Variants in ZCCHC4 observed in about 807,000 individuals in gnomAD.
ZCCHC4 encodes rRNA N(6)-adenosine-methyltransferase ZCCHC4.
ZCCHC4 carries 54 observed loss-of-function variants against 67.7 expected under a neutral mutation model. The observed-to-expected ratio is 0.80, with a 90% CI of 0.64 to 1.00. ZCCHC4 has a LOEUF of 1.00. Ranked by LOEUF, ZCCHC4 falls within the 50% of genes least tolerant of loss-of-function variation. The probability of loss-of-function intolerance (pLI) is 0.00; values close to 1 mark genes in which losing one functional copy is unlikely to be tolerated. For missense variants in ZCCHC4, 609 were observed against 617.0 expected (o/e 0.99, Z 0.14); for synonymous variants, 198 against 213.5 (o/e 0.93, Z 0.63).
At chr4:25,353,900 A>G (rs1393929236) in intron 8 of ZCCHC4, among the ~76,000 whole-genome samples, 1 of 152,142 alleles carries the variant, frequency 6.6e-6, no homozygotes, top group East Asian at 1.9e-4. Context: ...AGATAGTCCC[A>G]AGGTAGGGGT....
intron 6 of ZCCHC4, among the ~76,000 whole-genome samples, chr4:25,348,915 T>C (rs62410554): frequency 0.055 from 8,318 of 152,334 alleles, 317 homozygotes; most frequent in Middle Eastern, 0.1. Flanking sequence ...AATGTGTTAA[T>C]AGCATGGTTT....
chr4:25,331,405 A>G (rs779210874), intron 3 of ZCCHC4, among the ~76,000 whole-genome samples: 1 of 152,108 alleles, frequency 6.6e-6, no homozygotes, highest in Non-Finnish European at 1.5e-5. Flanking sequence ...CCTGGGCTCA[A>G]GTGATCCTCC....
At chr4:25,319,329 G>A (rs1251121999) in intron 3 of ZCCHC4, among the ~76,000 whole-genome samples, 4 of 152,146 alleles carry the variant, frequency 2.6e-5, no homozygotes, top group South Asian at 2.1e-4. Context: ...AGCTTGTAGC[G>A]AGCCGAGATT....
intron 10 of ZCCHC4, among the ~76,000 whole-genome samples, chr4:25,363,176 C>T (rs1011342111): frequency 2.1e-4 from 32 of 152,288 alleles, no homozygotes; most frequent in African/African-American, 7.2e-4. Flanking sequence ...CCTATTCATC[C>T]TTCTTCCTGA....
intron 7 of ZCCHC4, 169 bp downstream of exon 7, chr4:25,349,811 T>G (rs1720203376): frequency 1.5e-6 from 1 of 662,050 alleles, no homozygotes; most frequent in East Asian, 2.8e-5. Flanking sequence ...CATGATATAC[T>G]TTGTATTATT....
rs76193708 is a variant in ZCCHC4 at position 25,347,265 on chromosome 4, A to C, written c.759+1645A>C. On this transcript the variant is annotated intron_variant, in intron 6 of 12. Transcript: ENST00000302874. ...GAACAATGAAGACAAAATAAGGATAAAATTAAATACCTAAAGGTTGGCTAG... is the reference window on the plus strand; with the variant it reads ...GAACAATGAAGACAAAATAAGGATACAATTAAATACCTAAAGGTTGGCTAG... 6.8e-3 allele frequency among the ~76,000 whole-genome samples: 1,031 copies of C among 152,340 alleles called. 10 individuals carry two copies. The highest frequency in any genetic ancestry group is 0.023 in the African/African-American group (968 of 41,568).
chr4:25,315,327 G>A lies in ZCCHC4; in HGVS notation c.256G>A (p.Ala86Thr), dbSNP rs1718197559. Residue 86 changes from alanine (A) to threonine (T), a missense_variant, in exon 3 of 13, where the codon GCT becomes ACT. Coordinates refer to ENST00000302874, the MANE Select transcript of ZCCHC4 (RefSeq NM_024936.3). ...TTGTACTCTCTTTCAGTTGTCAGGA[G>A]CTAGACTTGCTGCCCGAGAAGCTCA... ...FQWEDEKLSGARLAAREAHNR... is the reference protein window; with the variant it reads ...FQWEDEKLSGTRLAAREAHNR... 1 of 1,612,664 alleles carries A rather than the reference G, an allele frequency of 6.2e-7. No homozygotes were observed. The highest frequency in any genetic ancestry group is 1.3e-5 in the African/African-American group (1 of 74,850).
intron 8 of ZCCHC4, among the ~76,000 whole-genome samples, chr4:25,354,446 C>T (rs1720433501): frequency 1.3e-5 from 2 of 152,228 alleles, no homozygotes; most frequent in South Asian, 2.1e-4. Flanking sequence ...AGTCTAAAAG[C>T]AAATTTGTTT....
rs1365954932 is a variant in ZCCHC4, at chr4:25,370,248, A to T, written c.*1084A>T. ...AACTAAACTCCTCATTCCTACCCTTAATATTTCCTGGCTGTATGATCTTGG... is the reference window on the plus strand; with the variant it reads ...AACTAAACTCCTCATTCCTACCCTTTATATTTCCTGGCTGTATGATCTTGG... On this transcript the variant is annotated 3_prime_UTR_variant, in exon 13 of 13. Transcript: ENST00000302874. The T allele has an allele frequency of 2.0e-5, 3 of 152,156 alleles. No individual in the cohort carries two copies. The highest frequency in any genetic ancestry group is 7.2e-5 in the African/African-American group (3 of 41,432). The allele number at this position is 152,156 out of a possible 1,614,324, so 9.4% of individuals were successfully genotyped here.
At chr4:25,317,704 CA>C (rs778867924) in intron 3 of ZCCHC4, among the ~76,000 whole-genome samples, 19,778 of 72,238 alleles carry the variant, frequency 0.27, 1,192 homozygotes, top group African/African-American at 0.42. Flanking sequence ...GACGCTGTCA[CA>C]AAAAAAAAAA....
chr4:25,360,409 A>G lies in ZCCHC4; in HGVS notation c.1012-1450A>G, dbSNP rs1577352051. On this transcript the variant is annotated intron_variant, in intron 8 of 12. Coordinates refer to ENST00000302874, the MANE Select transcript of ZCCHC4 (RefSeq NM_024936.3). The stretch of plus-strand genomic sequence containing the variant: ...GGGCCAATAGCAGTGCATAGAGAAC[A>G]CCCTTGGGCTTTTGGTCCCAGCTGT... Among the ~76,000 whole-genome samples, 4 of 152,276 alleles carry G rather than the reference A, an allele frequency of 2.6e-5. No homozygotes were observed. In the East Asian group the frequency reaches 7.7e-4, roughly 29 times the overall value.
chr4:25,340,328 G>A (rs1391624462), intron 5 of ZCCHC4, among the ~76,000 whole-genome samples: 1 of 152,100 alleles, frequency 6.6e-6, no homozygotes. Flanking sequence ...GTTTATTTAT[G>A]GACTTTAAAT....
chr4:25,365,737 G>T, intron 12 of ZCCHC4: 1 of 985,380 alleles, frequency 1.0e-6, no homozygotes, highest in Non-Finnish European at 1.2e-6. Flanking sequence ...TGGAGCTATG[G>T]ATTACAACTC....
intron 6 of ZCCHC4, among the ~76,000 whole-genome samples, chr4:25,347,479 A>G (rs928801424): frequency 2.6e-5 from 4 of 152,218 alleles, no homozygotes; most frequent in East Asian, 1.9e-4. Context: ...TCCTTACTCT[A>G]TATTTCAGCA....
chr4:25,315,504 G>T (rs1718211357), intron 3 of ZCCHC4, 104 bp downstream of exon 3: 4 of 817,922 alleles, frequency 4.9e-6, no homozygotes, highest in East Asian at 3.0e-5. Flanking sequence ...TATTTTTATT[G>T]TAGTTACATA....
chr4:25,315,211 T>G, intron 2 of ZCCHC4, 107 bp from the exon 3 acceptor site: 3 of 942,536 alleles, frequency 3.2e-6, no homozygotes, highest in Non-Finnish European at 4.7e-6. Context: ...TGAATGCCTG[T>G]TGAGTTGGTT....
intron 3 of ZCCHC4, among the ~76,000 whole-genome samples, chr4:25,330,725 A>G (rs1405939105): frequency 6.6e-6 from 1 of 152,176 alleles, no homozygotes; most frequent in East Asian, 1.9e-4. Flanking sequence ...CTACTGAGGC[A>G]GTGCTCTTCT....
Position 25,347,338 on chromosome 4 carries a change from G to A in ZCCHC4, c.759+1718G>A, listed in dbSNP as rs570607805. ...GTAACAGGTAATTAGCCTTTTTTTC[G>A]AAACTCTTTGTAGCTTATAGAAAGT... On this transcript the variant is annotated intron_variant, in intron 6 of 12. Transcript: ENST00000302874. 1.1e-4 allele frequency among the ~76,000 whole-genome samples: 16 copies of A among 151,240 alleles called. No homozygotes were observed. The South Asian group carries it at 2.9e-3, about 28-fold the overall frequency.
At chr4:25,348,077 C>T (rs1720110138) in intron 6 of ZCCHC4, among the ~76,000 whole-genome samples, 1 of 151,994 alleles carries the variant, frequency 6.6e-6, no homozygotes, top group South Asian at 2.1e-4. Flanking sequence ...TTTCTTTTTT[C>T]TACTTTTAAC....
Sources: gnomAD v4.1 joint callset for allele counts (sites outside exome capture counted in the v4.1 genomes callset) on GRCh38, gnomAD v4.1.1 for gene constraint, MANE v1.5 for transcripts, NCBI Gene and HGNC (gene_info 2026-07-23, HGNC 2026-07-21) for gene names.